Variants in SNX31 observed in about 807,000 individuals in gnomAD.
SNX31 encodes sorting nexin-31.
Under a neutral mutation model 65.4 loss-of-function variants are expected in SNX31, and 58 were observed. The ratio of observed to expected loss-of-function variants is 0.89; its 90% CI spans 0.72 to 1.10. The LOEUF (loss-of-function observed/expected upper bound fraction) is 1.10. Among genes scored for constraint, SNX31 ranks in the 50% least tolerant of loss-of-function variants. SNX31 has a pLI of 0.00. For missense variants in SNX31, 523 were observed against 529.7 expected (o/e 0.99, Z 0.12); for synonymous variants, 181 against 190.1 (o/e 0.95, Z 0.39).
At chr8:100,636,047 G>T in intron 2 of SNX31, 36 bp from the exon 3 acceptor site, 1 of 1,511,750 alleles carries the variant, frequency 6.6e-7, no homozygotes, top group Non-Finnish European at 9.2e-7. Context: ...AGGCAGGTGA[G>T]CCGCCAGTTC....
At chr8:100,600,287 A>T (rs764419437) in intron 9 of SNX31, 62 bp downstream of exon 9, 26 of 1,418,756 alleles carry the variant, frequency 1.8e-5, no homozygotes, top group Non-Finnish European at 2.5e-5. Context: ...AAACAGTTCA[A>T]TTCTAATATG....
intron 2 of SNX31, among the ~76,000 whole-genome samples, chr8:100,647,273 A>G (rs1819704073): frequency 6.6e-6 from 1 of 152,242 alleles, no homozygotes; most frequent in African/African-American, 2.4e-5. Flanking sequence ...TGAAATATTT[A>G]TTAAAATCTA....
chr8:100,624,020 C>T (rs1369457249), intron 4 of SNX31, among the ~76,000 whole-genome samples: 5 of 148,488 alleles, frequency 3.4e-5, no homozygotes, highest in African/African-American at 1.0e-4. Context: ...TGGGGGGATG[C>T]GGGGAGGAAA....
Position 100,617,600 on chromosome 8 carries a change from G to A in SNX31, c.432+20C>T, listed in dbSNP as rs1448947593. ...CATCCCTAGATTCAGTTCTGGAGCTGGAGTTTAAACAAAGCTTACCTCTAG... is the reference window on the plus strand; with the variant it reads ...CATCCCTAGATTCAGTTCTGGAGCTAGAGTTTAAACAAAGCTTACCTCTAG... On this transcript the variant is annotated intron_variant, in intron 5 of 13. Transcript: ENST00000311812. The A allele has an allele frequency of 6.7e-7, 1 of 1,503,016 alleles. No individual in the cohort carries two copies. The allele number at this position is 1,503,016 out of a possible 1,614,324, so 93.1% of individuals were successfully genotyped here.
chr8:100,642,485 A>G (rs1211938019), intron 2 of SNX31, among the ~76,000 whole-genome samples: 1 of 152,234 alleles, frequency 6.6e-6, no homozygotes, highest in African/African-American at 2.4e-5. Flanking sequence ...AACAAGGATT[A>G]AGGTTCTAAT....
rs2131306298 is a variant in SNX31, at chr8:100,649,658, G to A, written c.-144C>T. The A allele has an allele frequency of 1.4e-6, 1 of 739,796 alleles. No homozygotes were observed. Among genetic ancestry groups the A allele is most frequent in the East Asian group, 3.1e-5 (1 of 32,648 alleles). The allele number at this position is 739,796 out of a possible 1,614,324, so 45.8% of individuals were successfully genotyped here. Reference sequence around the variant, plus strand: ...CCCGGCGCCCGCTCTCGCCGGCCGGGGACATCTACAGGTGGGGCCGGGGCC... The same window carrying A: ...CCCGGCGCCCGCTCTCGCCGGCCGGAGACATCTACAGGTGGGGCCGGGGCC... On this transcript the variant is annotated 5_prime_UTR_variant, in exon 1 of 14. Transcript: ENST00000311812.
intron 2 of SNX31, among the ~76,000 whole-genome samples, chr8:100,640,718 A>G (rs7820836): frequency 0.48 from 72,324 of 151,650 alleles, 17,516 homozygotes; most frequent in African/African-American, 0.55. Flanking sequence ...CTAATTATGT[A>G]AAAAATATAA....
intron 3 of SNX31, among the ~76,000 whole-genome samples, chr8:100,633,417 T>A (rs543959468): frequency 1.3e-5 from 2 of 152,142 alleles, no homozygotes; most frequent in South Asian, 4.2e-4. Context: ...TTATTTATTT[T>A]TTTGAGATGG....
upstream of SNX31, among the ~76,000 whole-genome samples, chr8:100,651,460 A>T (rs901142342): frequency 6.6e-6 from 1 of 151,018 alleles, no homozygotes; most frequent in African/African-American, 2.4e-5. Flanking sequence ...GTTTCACCCC[A>T]TGGCATGTCC....
intron 2 of SNX31, among the ~76,000 whole-genome samples, chr8:100,643,583 C>T (rs886112580): frequency 6.6e-6 from 1 of 152,130 alleles, no homozygotes; most frequent in Non-Finnish European, 1.5e-5. Flanking sequence ...AACAGCACTA[C>T]GAGGTAGACA....
rs993547575 is a variant in SNX31, at chr8:100,622,896, G to T, written c.322-5166C>A. 4.5e-4 allele frequency among the ~76,000 whole-genome samples: 68 copies of T among 152,238 alleles called. No homozygotes were observed. The highest frequency in any genetic ancestry group is 1.6e-3 in the African/African-American group (66 of 41,542). ...TCTCAGTAAAGAACCTGCACATCAA[G>T]GGAGGTAAGAGGTTAAAGCGCCACC... On this transcript the variant is annotated intron_variant, in intron 4 of 13. Transcript: ENST00000311812. This position sits in a 1 kb window ranked among gnomAD's most constrained non-coding sequence, Gnocchi z 5.0.
In SNX31 at chr8:100,649,348, G is replaced by A. The variant is rs907281702; in HGVS notation, c.67C>T (p.Leu23=). 3 of 1,613,856 alleles carry A rather than the reference G, an allele frequency of 1.9e-6. No homozygotes were observed. The highest frequency in any genetic ancestry group is 4.5e-5 in the East Asian group (2 of 44,872). Residue 23 remains leucine (L), a splice_region_variant and synonymous_variant, in exon 2 of 14, where the codon CTG becomes TTG. Transcript: ENST00000311812. ...AACCCGTCCAGGTGCACGGAGTACA[G>A]CTGCAAACACACAGACACCCCGTCC... is the stretch of plus-strand genomic sequence containing the variant. ...RSDALGGRYV[L]YSVHLDGFLF...
At chr8:100,606,209 A>G (rs1398489597) in intron 8 of SNX31, among the ~76,000 whole-genome samples, 1 of 152,034 alleles carries the variant, frequency 6.6e-6, no homozygotes, top group Non-Finnish European at 1.5e-5. Context: ...TGACTTTTAC[A>G]TTTTTGGTAG....
At chr8:100,661,800 G>T (rs756498508) in intron 1 of SNX31, among the ~76,000 whole-genome samples, 1 of 152,032 alleles carries the variant, frequency 6.6e-6, no homozygotes, top group Admixed American at 6.6e-5. Context: ...AAAGTGCTGG[G>T]ATTACAGGTG....
At position 100,584,116 on chromosome 8, in the gene SNX31, C is replaced by T. The variant is rs1252777369; in HGVS notation, c.1165G>A (p.Glu389Lys). The change falls in exon 12 of 14, where the codon GAA becomes AAA. Residue 389 changes from glutamate to lysine, a missense_variant. Coordinates refer to ENST00000311812, the MANE Select transcript of SNX31 (RefSeq NM_152628.4). ...KMVKLAAENT[E>K]MQIEVPEQSK... is the part of the protein sequence containing the mutation. ...ACACAGATAAGAGCACTCACCATTT[C>T]TGTATTCTCAGCAGCTAGCTTTACC... is the stretch of plus-strand genomic sequence containing the variant. 6 of 1,604,810 alleles carry T rather than the reference C, an allele frequency of 3.7e-6. No homozygotes were observed. Among genetic ancestry groups the T allele is most frequent in the Non-Finnish European group, 5.1e-6 (6 of 1,176,622 alleles).
rs1814220007 is a variant in SNX31, at chr8:100,588,118, A to G, written c.1092+748T>C. On this transcript the variant is annotated intron_variant, in intron 11 of 13. Coordinates refer to ENST00000311812, the MANE Select transcript of SNX31 (RefSeq NM_152628.4). The surrounding 1 kb of genome is among the most constrained non-coding windows in gnomAD (Gnocchi z 4.8). ...CTACAGGAAAAAGGTGAAACATTAA[A>G]AAAAAACATAAAAAAGGTACAGTAA... Among the ~76,000 whole-genome samples, 2 of 152,072 alleles carry G rather than the reference A, an allele frequency of 1.3e-5. No homozygotes were observed. The highest frequency in any genetic ancestry group is 2.9e-5 in the Non-Finnish European group (2 of 68,008).
At chr8:100,581,337 C>CTATATCTA (rs1318531944) in intron 12 of SNX31, among the ~76,000 whole-genome samples, 18 of 125,462 alleles carry the variant, frequency 1.4e-4, no homozygotes, top group African/African-American at 4.3e-4. Context: ...ATCTATCTAT[C>CTATATCTA]TATATATATA....
At position 100,648,198 on chromosome 8, in the gene SNX31, A is replaced by T. The variant is rs1038244727; in HGVS notation, c.141+1076T>A. On this transcript the variant is annotated intron_variant, in intron 2 of 13. Transcript: ENST00000311812. The surrounding 1 kb of genome is among the most constrained non-coding windows in gnomAD (Gnocchi z 4.3). Reference sequence around the variant, plus strand: ...AGCTGTCGGTCAACAGAAGATGGTTAAATGAAACATGGTGTATCTAACTCA... The same window carrying T: ...AGCTGTCGGTCAACAGAAGATGGTTTAATGAAACATGGTGTATCTAACTCA... Among the ~76,000 whole-genome samples the T allele has an allele frequency of 1.9e-4, 29 of 152,252 alleles. No individual in the cohort carries two copies. The highest frequency in any genetic ancestry group is 7.0e-4 in the African/African-American group (29 of 41,462).
At position 100,604,572 on chromosome 8, in the gene SNX31, G is replaced by A. The variant is rs1815963908; in HGVS notation, c.681+3922C>T. ...GATGCAGGACTAGCCCCACCTGGAG[G>A]ATGGGGTGCCTTTTTCTAATTTGCA... On this transcript the variant is annotated intron_variant, in intron 8 of 13. Transcript: ENST00000311812. The surrounding 1 kb of genome is among the most constrained non-coding windows in gnomAD (Gnocchi z 4.3). 6.6e-6 allele frequency among the ~76,000 whole-genome samples: 1 copy of A among 152,258 alleles called. No individual in the cohort carries two copies. The highest frequency in any genetic ancestry group is 2.4e-5 in the African/African-American group (1 of 41,474).
Sources: gnomAD v4.1 joint callset for allele counts (sites outside exome capture counted in the v4.1 genomes callset) on GRCh38, gnomAD v4.1.1 for gene constraint, Gnocchi (gnomAD v3.1) non-coding constraint, MANE v1.5 for transcripts, NCBI Gene and HGNC (gene_info 2026-07-23, HGNC 2026-07-21) for gene names.